The following DLG1 variants were observed in gnomAD, a reference collection of about 807,000 sequenced individuals.
DLG1 encodes the protein discs large MAGUK scaffold protein 1, also known as disks large homolog 1.
DLG1 carries 42 observed loss-of-function variants against 123.4 expected under a neutral mutation model. The ratio of observed to expected loss-of-function variants is 0.34; its 90% confidence interval spans 0.27 to 0.44. DLG1 has a LOEUF of 0.44. Among genes scored for constraint, DLG1 ranks in the 20% least tolerant of loss-of-function variants. The probability of loss-of-function intolerance (pLI) is 1.00; values close to 1 mark genes in which losing one functional copy is unlikely to be tolerated. For missense variants in DLG1, 942 were observed against 1,082.6 expected, an observed-to-expected ratio of 0.87 and a Z score of 1.82; for synonymous variants, 317 against 356.2, an observed-to-expected ratio of 0.89 and a Z score of 1.24.
intron 3 of DLG1, among the ~76,000 whole-genome samples, chr3:197,294,705 T>G (rs558744606): frequency 6.7e-6 from 1 of 150,290 alleles, no homozygotes; most frequent in South Asian, 2.1e-4. Context: ...CTATCAAAGT[T>G]CAATTGTACG....
intron 4 of DLG1, among the ~76,000 whole-genome samples, chr3:197,262,715 G>C (rs2150973423): frequency 6.6e-6 from 1 of 152,292 alleles, no homozygotes; most frequent in Non-Finnish European, 1.5e-5. Context: ...CTACCTCCAA[G>C]CAGATAGTGT....
At chr3:197,197,842 TGAC>T (rs1425818175) in intron 4 of DLG1, among the ~76,000 whole-genome samples, 1 of 152,214 alleles carries the variant, frequency 6.6e-6, no homozygotes, top group Middle Eastern at 3.2e-3. Context: ...AAATAGATCC[TGAC>T]ATTTACAGTC....
At chr3:197,220,504 T>C (rs1398462647) in intron 4 of DLG1, among the ~76,000 whole-genome samples, 2 of 152,138 alleles carry the variant, frequency 1.3e-5, no homozygotes, top group African/African-American at 2.4e-5. Context: ...TCTAAATGGA[T>C]ATAGGAGAAC....
At chr3:197,130,890 G>C (rs1487711638) in intron 10 of DLG1, among the ~76,000 whole-genome samples, 1 of 152,150 alleles carries the variant, frequency 6.6e-6, no homozygotes, top group Non-Finnish European at 1.5e-5. Flanking sequence ...CTTGATTCCA[G>C]TCTCCATACC....
rs1482249120 is a variant in DLG1 at position 197,231,210 on chromosome 3, A to C, written c.319-36621T>G. Among the ~76,000 whole-genome samples the C allele has an allele frequency of 2.2e-4, 27 of 122,430 alleles. No homozygotes were observed. In the Admixed American group the frequency reaches 2.3e-3, roughly 11 times the overall value. The allele number at this position is 122,430 out of a possible 152,430, so 80.3% of individuals were successfully genotyped here. On this transcript the variant is annotated intron_variant, in intron 4 of 24. Transcript: ENST00000667157. ...ACACTATTTTTCTTAAATTACGTGAAGAATTAATGCTGTGGTTTGCTTATT... is the reference window on the plus strand; with the variant it reads ...ACACTATTTTTCTTAAATTACGTGACGAATTAATGCTGTGGTTTGCTTATT...
intron 23 of DLG1, among the ~76,000 whole-genome samples, chr3:197,055,814 C>G (rs1731281098): frequency 2.6e-5 from 4 of 152,176 alleles, no homozygotes; most frequent in African/African-American, 7.2e-5. Context: ...ATCTTTAAGT[C>G]ACTTCAGCCT....
intron 4 of DLG1, among the ~76,000 whole-genome samples, chr3:197,214,609 T>A (rs1226956669): frequency 1.3e-5 from 2 of 151,892 alleles, no homozygotes; most frequent in African/African-American, 4.8e-5. Flanking sequence ...CAAAAAAGAC[T>A]AATAAATTTG....
chr3:197,169,522 T>C (rs1868890), intron 5 of DLG1, among the ~76,000 whole-genome samples: 60,095 of 152,026 alleles, frequency 0.4, 12,459 homozygotes, highest in East Asian at 0.74. Context: ...AAAAATGATC[T>C]TTTATACAAG....
intron 14 of DLG1, among the ~76,000 whole-genome samples, chr3:197,095,645 A>T (rs1760235374): frequency 6.6e-6 from 1 of 152,144 alleles, no homozygotes; most frequent in South Asian, 2.1e-4. Context: ...TCGCTTGATA[A>T]AAGTTGTGTC....
At chr3:197,136,901 T>A (rs973664989) in intron 9 of DLG1, among the ~76,000 whole-genome samples, 17 of 152,250 alleles carry the variant, frequency 1.1e-4, no homozygotes, top group African/African-American at 4.1e-4. Flanking sequence ...CACATGTTCC[T>A]TCTTAGTATC....
At chr3:197,298,836 G>C (rs28372947), upstream of DLG1, 5,296 of 372,676 alleles carry the variant, frequency 0.014, 64 homozygotes, top group East Asian at 0.041. Context: ...AGAGACACTG[G>C]TTAACTTGGC....
intron 14 of DLG1, among the ~76,000 whole-genome samples, chr3:197,103,359 A>G (rs1410597977): frequency 6.6e-6 from 1 of 152,160 alleles, no homozygotes; most frequent in Non-Finnish European, 1.5e-5. Context: ...ACCATACCTA[A>G]AAAGTTTATA....
rs1021316222 is a variant in DLG1 at position 197,294,722 on chromosome 3, T to C, written c.151+1624A>G. 4.7e-5 allele frequency among the ~76,000 whole-genome samples: 7 copies of C among 148,482 alleles called. No homozygotes were observed. In the South Asian group the frequency reaches 8.5e-4, roughly 18 times the overall value. On this transcript the variant is annotated intron_variant, in intron 3 of 24. Coordinates refer to ENST00000667157, the MANE Select transcript of DLG1 (RefSeq NM_001366207.1). ...ATCAAAGTTCAATTGTACGTAAGAA[T>C]AGACACATTCAAAACAGGCAAGGCA...
intron 18 of DLG1, chr3:197,070,325 C>A (rs1742770711): frequency 6.6e-6 from 1 of 151,108 alleles, no homozygotes; most frequent in African/African-American, 2.4e-5. Flanking sequence ...CTCACTGCAG[C>A]CTCGCCCTCC....
intron 4 of DLG1, chr3:197,226,226 T>C (rs905761953): frequency 6.6e-6 from 1 of 152,246 alleles, no homozygotes; most frequent in Admixed American, 6.5e-5. Flanking sequence ...ATTACCAGAA[T>C]GAAAGTGCTC....
intron 23 of DLG1, among the ~76,000 whole-genome samples, chr3:197,054,155 G>T (rs1457752750): frequency 1.3e-5 from 2 of 152,118 alleles, no homozygotes; most frequent in Non-Finnish European, 2.9e-5. Context: ...CTTGTGTGTG[G>T]TAAGTTGCTG....
intron 12 of DLG1, among the ~76,000 whole-genome samples, chr3:197,117,237 G>A (rs1342560364): frequency 6.6e-6 from 1 of 152,144 alleles, no homozygotes; most frequent in Non-Finnish European, 1.5e-5. Context: ...TTACTGATGA[G>A]AATATAAAAC....
At chr3:197,055,018 T>C (rs534526118) in intron 23 of DLG1, among the ~76,000 whole-genome samples, 1 of 152,334 alleles carries the variant, frequency 6.6e-6, no homozygotes, top group South Asian at 2.1e-4. Flanking sequence ...TTTTGCTATG[T>C]TGCCCAGGCT....
chr3:197,101,081 T>A (rs1005944651), intron 14 of DLG1, among the ~76,000 whole-genome samples: 1 of 152,180 alleles, frequency 6.6e-6, no homozygotes, highest in Admixed American at 6.5e-5. Flanking sequence ...TACAAGAAAC[T>A]TTTTTTCCAT....
Sources: gnomAD v4.1 joint callset for allele counts (sites outside exome capture counted in the v4.1 genomes callset) on GRCh38, gnomAD v4.1.1 for gene constraint, MANE v1.5 for transcripts, NCBI Gene and HGNC (gene_info 2026-07-23, HGNC 2026-07-21) for gene names.